Variants in BBS12 observed in about 807,000 individuals in gnomAD.
BBS12 encodes the protein chaperonin-containing T-complex member BBS12.
In BBS12, 5 loss-of-function variants were observed where a neutral mutation model predicts 5.6. That is an observed-to-expected ratio of 0.89 (90% CI 0.46 to 1.86). The LOEUF (loss-of-function observed/expected upper bound fraction) is 1.86. Among genes scored for constraint, BBS12 ranks in the 40% most tolerant of loss-of-function variants. The pLI, the probability that BBS12 is intolerant of heterozygous loss-of-function variation, is 0.01. For missense variants in BBS12, 748 were observed against 830.4 expected, an observed-to-expected ratio of 0.90 and a Z score of 1.22; for synonymous variants, 308 against 306.8, an observed-to-expected ratio of 1.00 and a Z score of -0.04.
the BBS12 span, among the ~76,000 whole-genome samples, chr4:122,726,372 G>C: frequency 6.6e-6 from 1 of 152,086 alleles, no homozygotes; most frequent in East Asian, 1.9e-4. Flanking sequence ...ACCACAATGC[G>C]ATACCACTTT....
At chr4:122,738,409 C>T (rs1292398418) in intron 1 of BBS12, among the ~76,000 whole-genome samples, 1 of 152,116 alleles carries the variant, frequency 6.6e-6, no homozygotes, top group Non-Finnish European at 1.5e-5. Flanking sequence ...ACGGGTTTCA[C>T]TGTGTTAGCC....
In BBS12 at chr4:122,744,230, A is replaced by G. The variant is rs1800952790; in HGVS notation, c.*205A>G. The G allele has an allele frequency of 1.7e-6, 1 of 584,700 alleles. No homozygotes were observed. The highest frequency in any genetic ancestry group is 3.1e-6 in the Non-Finnish European group (1 of 327,196). The allele number at this position is 584,700 out of a possible 1,614,324, so 36.2% of individuals were successfully genotyped here. A position where few individuals can be genotyped will look rare whatever the true frequency, so the allele number is the denominator to read the frequency against. On this transcript the variant is annotated 3_prime_UTR_variant, in exon 2 of 2. Coordinates refer to ENST00000314218, the MANE Select transcript of BBS12 (RefSeq NM_152618.3). The stretch of plus-strand genomic sequence containing the variant: ...GCCTGTTACTGTTTCGTGGGATGCT[A>G]CAGAATGCATAAGACACCTGGGTCA...
rs773788808 is a variant in BBS12, at chr4:122,742,188, T to C, written c.296T>C (p.Val99Ala). ...CTTGTTGGTGCTTGGAGCAGTGCAG[T>C]TGAAGAATGTCTTCATCTTGGTGTC... is the stretch of plus-strand genomic sequence containing the variant. ...LFLVGAWSSA[V>A]EECLHLGVPI... is the part of the protein sequence containing the mutation. Residue 99 changes from valine (V) to alanine (A), a missense_variant, in exon 2 of 2, where the codon GTT becomes GCT. Val to Ala is a moderately conservative substitution (Grantham distance 64). Transcript: ENST00000314218. 7 of 1,613,904 alleles carry C rather than the reference T, an allele frequency of 4.3e-6. No individual in the cohort carries two copies. Among genetic ancestry groups the C allele is most frequent in the East Asian group, 2.2e-5 (1 of 44,884 alleles).
chr4:122,732,675 T>A (rs1395204543), upstream of BBS12: 1 of 152,414 alleles, frequency 6.6e-6, no homozygotes, highest in Non-Finnish European at 1.5e-5. Flanking sequence ...CAGCCCGGCG[T>A]TAAGCGGAAC....
the BBS12 span, among the ~76,000 whole-genome samples, chr4:122,722,368 G>T: frequency 2.0e-5 from 3 of 152,166 alleles, no homozygotes; most frequent in East Asian, 1.9e-4. Flanking sequence ...TCTTACCTGT[G>T]CTTTGGTTGT....
the BBS12 span, among the ~76,000 whole-genome samples, chr4:122,721,698 T>C: frequency 6.6e-6 from 1 of 152,238 alleles, no homozygotes; most frequent in Non-Finnish European, 1.5e-5. Flanking sequence ...GGTCTTTCTA[T>C]ATAGCTCCCT....
At chr4:122,737,650 A>G (rs1800803237) in intron 1 of BBS12, among the ~76,000 whole-genome samples, 1 of 152,220 alleles carries the variant, frequency 6.6e-6, no homozygotes, top group Admixed American at 6.5e-5. Flanking sequence ...TCCATGAGGA[A>G]AGAGGAACCC....
the BBS12 span, among the ~76,000 whole-genome samples, chr4:122,715,042 C>T: frequency 2.0e-5 from 3 of 151,778 alleles, no homozygotes; most frequent in African/African-American, 4.8e-5. Flanking sequence ...TAAATAAAGA[C>T]TTGAAGGAGA....
chr4:122,701,311 C>A, the BBS12 span, among the ~76,000 whole-genome samples: 9 of 152,166 alleles, frequency 5.9e-5, no homozygotes, highest in East Asian at 1.7e-3. Context: ...GAGTCCATAC[C>A]CGATAATTAT....
Position 122,742,025 on chromosome 4 carries a change from C to G in BBS12, c.133C>G (p.His45Asp). 1 of 1,613,880 alleles carries G rather than the reference C, an allele frequency of 6.2e-7. No homozygotes were observed. The highest frequency in any genetic ancestry group is 8.5e-7 in the Non-Finnish European group (1 of 1,179,838). The change falls in exon 2 of 2, where the codon CAT becomes GAT. Residue 45 changes from histidine to aspartate, a missense_variant. By Grantham distance (81) the His-to-Asp change is moderately conservative. Coordinates refer to ENST00000314218, the MANE Select transcript of BBS12 (RefSeq NM_152618.3). ...CAAATTTATTATAGATGAAGAATGT[C>G]ATGAAAGTGTATTAATCAGTTCAAC... ...SSKFIIDEEC[H>D]ESVLISSTVR...
At chr4:122,706,382 T>C in the BBS12 span, among the ~76,000 whole-genome samples, 1 of 152,210 alleles carries the variant, frequency 6.6e-6, no homozygotes, top group Non-Finnish European at 1.5e-5. Context: ...TTTTAATAAA[T>C]CAATGCTTAA....
chr4:122,716,713 A>ACGCGCG, the BBS12 span, among the ~76,000 whole-genome samples: 33 of 121,546 alleles, frequency 2.7e-4, 1 homozygote, highest in South Asian at 5.5e-4. Flanking sequence ...ATACATACAC[A>ACGCGCG]TATGTGTGTA....
chr4:122,716,246 C>G, the BBS12 span, among the ~76,000 whole-genome samples: 1 of 152,020 alleles, frequency 6.6e-6, no homozygotes, highest in Non-Finnish European at 1.5e-5. Context: ...TTTTTAAATA[C>G]AATTGAATTT....
chr4:122,738,195 A>T (rs1295811772), intron 1 of BBS12, among the ~76,000 whole-genome samples: 1 of 152,198 alleles, frequency 6.6e-6, no homozygotes, highest in Non-Finnish European at 1.5e-5. Flanking sequence ...CAACAAAAAA[A>T]TAGGTAAATT....
chr4:122,739,286 G>T (rs1224297318), intron 1 of BBS12, among the ~76,000 whole-genome samples: 1 of 152,234 alleles, frequency 6.6e-6, no homozygotes, highest in Non-Finnish European at 1.5e-5. Flanking sequence ...ATGCAGTGAG[G>T]ATGTGGAGAA....
At chr4:122,708,502 T>C in the BBS12 span, among the ~76,000 whole-genome samples, 2 of 152,174 alleles carry the variant, frequency 1.3e-5, no homozygotes, top group Admixed American at 6.5e-5. Flanking sequence ...GCCCTAGCAC[T>C]GCTCAACTTT....
chr4:122,715,048 G>A, the BBS12 span, among the ~76,000 whole-genome samples: 1 of 151,736 alleles, frequency 6.6e-6, no homozygotes, highest in Non-Finnish European at 1.5e-5. Context: ...AAGACTTGAA[G>A]GAGAATGACA....
chr4:122,739,771 C>A (rs1411580881), intron 1 of BBS12, among the ~76,000 whole-genome samples: 1 of 152,196 alleles, frequency 6.6e-6, no homozygotes, highest in East Asian at 1.9e-4. Context: ...TGGCAGTCAG[C>A]CACCTCTGCA....
At chr4:122,740,707 A>G (rs529764398) in intron 1 of BBS12, among the ~76,000 whole-genome samples, 175 of 152,338 alleles carry the variant, frequency 1.1e-3, no homozygotes, top group African/African-American at 3.8e-3. Context: ...ATAATATATA[A>G]TGGGATATAC....
Sources: gnomAD v4.1 joint callset for allele counts (sites outside exome capture counted in the v4.1 genomes callset) on GRCh38, gnomAD v4.1.1 for gene constraint, MANE v1.5 for transcripts, NCBI Gene and HGNC (gene_info 2026-07-23, HGNC 2026-07-21) for gene names.